The following PCDH11X variants were observed in gnomAD, a reference collection of about 807,000 sequenced individuals.
PCDH11X encodes the protein protocadherin-11 X-linked.
A neutral mutation model predicts 53.3 loss-of-function variants in PCDH11X; 18 were observed. That is an observed-to-expected ratio of 0.34 (90% CI 0.23 to 0.50). The LOEUF (loss-of-function observed/expected upper bound fraction) is 0.50, where lower values mean the gene tolerates loss of function less well. Among genes scored for constraint, PCDH11X ranks in the 20% least tolerant of loss-of-function variants. PCDH11X has a pLI of 0.98. For missense variants in PCDH11X, 570 were observed against 1,032.4 expected (o/e 0.55, Z 6.14); for synonymous variants, 279 against 393.3 (o/e 0.71, Z 3.44).
At chrX:92,277,092 C>T (rs182986941) in intron 8 of PCDH11X, among the ~76,000 whole-genome samples, 58 of 109,319 alleles carry the variant, frequency 5.3e-4, no homozygotes, top group Middle Eastern at 4.7e-3. Context: ...CTCAGCCTGG[C>T]GAGGAGGGGA....
At chrX:92,202,121 T>G (rs116201232) in intron 7 of PCDH11X, among the ~76,000 whole-genome samples, 96 of 111,732 alleles carry the variant, frequency 8.6e-4, no homozygotes, top group African/African-American at 3.1e-3. Context: ...TTTTTATACA[T>G]TGGCATGATT....
At chrX:92,132,657 GTATATATATA>G (rs780377449) in intron 6 of PCDH11X, among the ~76,000 whole-genome samples, 1 of 54,390 alleles carries the variant, frequency 1.8e-5, no homozygotes, top group African/African-American at 6.9e-5. Context: ...ATATATATAT[GTATATATATA>G]TGTATATGTA....
rs760436446 is a variant in PCDH11X at position 92,621,809 on chromosome X, G to T, written c.*2869G>T. ...CAAAAAATGGTTCTGTTTTAAAAAG[G>T]ATTTTGTTTGATTTGAAATTAAAAC... On this transcript the variant is annotated 3_prime_UTR_variant, in exon 11 of 11. Transcript: ENST00000682573. The T allele has an allele frequency of 9.0e-5, 10 of 111,530 alleles. No homozygotes were observed. In the Admixed American group the frequency reaches 9.6e-4, roughly 11 times the overall value. 9.2% of individuals were successfully genotyped at this position (111,530 alleles called of 1,213,427 possible).
chrX:92,287,016 A>G (rs1208675026), intron 8 of PCDH11X, among the ~76,000 whole-genome samples: 1 of 109,433 alleles, frequency 9.1e-6, no homozygotes, highest in Non-Finnish European at 1.9e-5. Flanking sequence ...AAGTTTATAT[A>G]TTATCGTTAT....
intron 9 of PCDH11X, among the ~76,000 whole-genome samples, chrX:92,396,155 G>A (rs2071241232): frequency 9.3e-6 from 1 of 107,904 alleles, no homozygotes; most frequent in African/African-American, 3.4e-5. Context: ...TTGTGTGTAC[G>A]TGTGTGTATG....
intron 6 of PCDH11X, among the ~76,000 whole-genome samples, chrX:91,911,622 C>T (rs1218813111): frequency 9.1e-6 from 1 of 110,243 alleles, no homozygotes. Flanking sequence ...CCCCAACTTA[C>T]CACCCTTCCA....
intron 6 of PCDH11X, among the ~76,000 whole-genome samples, chrX:91,991,960 TAA>T (rs975863051): frequency 3.2e-5 from 3 of 92,529 alleles, no homozygotes; most frequent in Non-Finnish European, 6.4e-5. Context: ...AGTTGTCACT[TAA>T]GTTTTTTTTT....
intron 10 of PCDH11X, among the ~76,000 whole-genome samples, chrX:92,480,240 T>C (rs1019266527): frequency 9.0e-6 from 1 of 111,697 alleles, no homozygotes; most frequent in Non-Finnish European, 1.9e-5. Context: ...TTTTGTTTGT[T>C]AGTTGTTGCG....
In PCDH11X at chrX:91,824,465, A is replaced by G. The variant is rs1021063424; in HGVS notation, c.-44-10996A>G. 5.6e-4 allele frequency among the ~76,000 whole-genome samples: 62 copies of G among 111,265 alleles called. 1 individual carries two copies. Among genetic ancestry groups the G allele is most frequent in the African/African-American group, 2.0e-3 (60 of 30,447 alleles). On this transcript the variant is annotated intron_variant, in intron 4 of 10. Coordinates refer to ENST00000682573, the MANE Select transcript of PCDH11X (RefSeq NM_032968.5). ...GATACCCTTTCTTCCAGTTGATCGC[A>G]TCGGCTCCTGAGGCTTCTGCATTCT...
At chrX:91,998,625 A>T (rs1202532694) in intron 6 of PCDH11X, among the ~76,000 whole-genome samples, 1 of 110,117 alleles carries the variant, frequency 9.1e-6, no homozygotes, top group African/African-American at 3.3e-5. Context: ...CTATATGTTA[A>T]CTCTAGTCTT....
At chrX:92,139,553 C>G (rs1030556184) in intron 6 of PCDH11X, among the ~76,000 whole-genome samples, 7 of 109,746 alleles carry the variant, frequency 6.4e-5, no homozygotes, top group Admixed American at 9.9e-5. Flanking sequence ...TGAGCCACCC[C>G]TCTAGGGCTA....
chrX:92,590,492 G>A (rs1924919755), intron 10 of PCDH11X, among the ~76,000 whole-genome samples: 1 of 110,257 alleles, frequency 9.1e-6, no homozygotes, highest in Non-Finnish European at 1.9e-5. Context: ...AGGTGCTGTT[G>A]ACCCACAGGG....
rs1922165203 is a variant in PCDH11X, at chrX:92,571,178, C to T, written c.3368-47086C>T. Reference sequence around the variant, plus strand: ...AGAATGAGTGTTTTAAATTAGCTCTCATTTGTTTTGATGACTGTTTTTTTC... The same window carrying T: ...AGAATGAGTGTTTTAAATTAGCTCTTATTTGTTTTGATGACTGTTTTTTTC... On this transcript the variant is annotated intron_variant, in intron 10 of 10. Transcript: ENST00000682573. Among the ~76,000 whole-genome samples, 3 of 110,916 alleles carry T rather than the reference C, an allele frequency of 2.7e-5. No individual in the cohort carries two copies. The South Asian group carries it at 1.1e-3, about 42-fold the overall frequency.
intron 6 of PCDH11X, among the ~76,000 whole-genome samples, chrX:91,999,638 T>G (rs2062476359): frequency 9.1e-6 from 1 of 109,731 alleles, no homozygotes; most frequent in Non-Finnish European, 1.9e-5. Context: ...AAATGACAGC[T>G]TCCTACTTTT....
intron 7 of PCDH11X, among the ~76,000 whole-genome samples, chrX:92,228,189 CAG>C (rs1342204058): frequency 3.6e-5 from 4 of 111,685 alleles, no homozygotes; most frequent in Non-Finnish European, 7.5e-5. Flanking sequence ...AAACACCTAA[CAG>C]ATTGTATTCT....
intron 8 of PCDH11X, among the ~76,000 whole-genome samples, chrX:92,316,643 TTC>T (rs1271001713): frequency 2.7e-5 from 3 of 110,933 alleles, no homozygotes; most frequent in Non-Finnish European, 5.7e-5. Flanking sequence ...AGGAAATGTT[TTC>T]TGTTATTGAC....
intron 6 of PCDH11X, among the ~76,000 whole-genome samples, chrX:92,191,675 A>G (rs2066195842): frequency 8.9e-6 from 1 of 112,269 alleles, no homozygotes; most frequent in South Asian, 3.6e-4. Flanking sequence ...TGAATGTTTT[A>G]AAAATAATGA....
At chrX:92,352,863 T>C (rs2070090224) in intron 8 of PCDH11X, among the ~76,000 whole-genome samples, 1 of 110,864 alleles carries the variant, frequency 9.0e-6, no homozygotes, top group South Asian at 3.9e-4. Context: ...GTGTTTTGGT[T>C]GTCTCCCAGG....
intron 10 of PCDH11X, among the ~76,000 whole-genome samples, chrX:92,520,150 A>G (rs1255347564): frequency 9.0e-6 from 1 of 110,816 alleles, no homozygotes; most frequent in Non-Finnish European, 1.9e-5. Flanking sequence ...TAGAATAAGC[A>G]TACCTCGACG....
Sources: gnomAD v4.1 joint callset for allele counts (sites outside exome capture counted in the v4.1 genomes callset) on GRCh38, gnomAD v4.1.1 for gene constraint, MANE v1.5 for transcripts, NCBI Gene and HGNC (gene_info 2026-07-23, HGNC 2026-07-21) for gene names.